EPHA5: variants seen among roughly 807,000 people sequenced by gnomAD.
EPHA5 encodes ephrin type-A receptor 5.
EPHA5 carries 60 observed loss-of-function variants against 105.0 expected under a neutral mutation model. The observed-to-expected ratio is 0.57, with a 90% CI of 0.46 to 0.71. The LOEUF (loss-of-function observed/expected upper bound fraction) is 0.71, where lower values mean the gene tolerates loss of function less well. Among genes scored for constraint, EPHA5 ranks in the 30% least tolerant of loss-of-function variants. EPHA5 has a pLI of 0.00. For missense variants in EPHA5, 1,218 were observed against 1,274.7 expected (o/e 0.96, Z 0.68); for synonymous variants, 513 against 449.1 (o/e 1.14, Z -1.80).
intron 3 of EPHA5, among the ~76,000 whole-genome samples, chr4:65,515,848 C>CACA (rs1734057129): frequency 6.6e-6 from 1 of 152,020 alleles, no homozygotes; most frequent in Non-Finnish European, 1.5e-5. Context: ...TGTGGCTAGA[C>CACA]GTCATCCAGT....
At chr4:65,487,775 T>A (rs968693296) in intron 5 of EPHA5, among the ~76,000 whole-genome samples, 1 of 152,182 alleles carries the variant, frequency 6.6e-6, no homozygotes, top group African/African-American at 2.4e-5. Context: ...TTGACAGAGC[T>A]GATTTGAGTA....
chr4:65,439,499 A>G (rs564719138), intron 5 of EPHA5, among the ~76,000 whole-genome samples: 8 of 150,084 alleles, frequency 5.3e-5, no homozygotes, highest in African/African-American at 2.0e-4. Context: ...ACTCTTTAAA[A>G]CTCTTTATAG....
intron 5 of EPHA5, among the ~76,000 whole-genome samples, chr4:65,439,759 T>C (rs1725834323): frequency 6.6e-6 from 1 of 152,178 alleles, no homozygotes; most frequent in Non-Finnish European, 1.5e-5. Flanking sequence ...TTTTATTCTG[T>C]ACACAATGTA....
intron 3 of EPHA5, among the ~76,000 whole-genome samples, chr4:65,510,158 C>T (rs1480735002): frequency 6.6e-6 from 1 of 151,726 alleles, no homozygotes; most frequent in Non-Finnish European, 1.5e-5. Flanking sequence ...CCTCAGCCTC[C>T]CGAGTAGCTG....
chr4:65,400,345 A>G (rs1721693813), intron 8 of EPHA5, among the ~76,000 whole-genome samples: 1 of 152,316 alleles, frequency 6.6e-6, no homozygotes, highest in African/African-American at 2.4e-5. Flanking sequence ...TGTGGAAGGC[A>G]TATCAATTGT....
At position 65,490,612 on chromosome 4, in the gene EPHA5, C is replaced by A. The variant is rs1370099230; in HGVS notation, c.1167G>T (p.Val389=). ...ACTTCTTGCATGCAATATAATATGACACGTCTTTCCTTCCACCAGTGTCAG... is the reference window on the plus strand; with the variant it reads ...ACTTCTTGCATGCAATATAATATGAAACGTCTTTCCTTCCACCAGTGTCAG... ...PPADTGGRKD[V]SYYIACKKCN... Residue 389 remains valine (V), a synonymous_variant, in exon 5 of 17, where the codon GTG becomes GTT. Coordinates refer to ENST00000613740, the MANE Select transcript of EPHA5 (RefSeq NM_001281766.3). The A allele has an allele frequency of 6.2e-7, 1 of 1,614,146 alleles. No homozygotes were observed. The highest frequency in any genetic ancestry group is 1.1e-5 in the South Asian group (1 of 91,084).
At chr4:65,449,342 A>T (rs6843890) in intron 5 of EPHA5, among the ~76,000 whole-genome samples, 1,717 of 152,298 alleles carry the variant, frequency 0.011, 37 homozygotes, top group African/African-American at 0.04. Context: ...GGGTTTAAAA[A>T]AAGAGCCTTT....
intron 3 of EPHA5, among the ~76,000 whole-genome samples, chr4:65,534,439 A>C: frequency 6.6e-6 from 1 of 152,212 alleles, no homozygotes; most frequent in East Asian, 1.9e-4. Context: ...CTGCAATAAC[A>C]TACAAACAAA....
intron 12 of EPHA5, 104 bp from the exon 13 acceptor site, chr4:65,351,702 A>G: frequency 1.1e-6 from 1 of 940,630 alleles, no homozygotes. Flanking sequence ...CAGTCGCTAA[A>G]ATTCATATGC....
At chr4:65,529,417 TATGCATATTATATGCACACACACAA>T (rs766302655) in intron 3 of EPHA5, among the ~76,000 whole-genome samples, 4 of 151,950 alleles carry the variant, frequency 2.6e-5, no homozygotes, top group Non-Finnish European at 5.9e-5. Context: ...TGTGCATACG[TATGCATATTATATGCACACACACAA>T]ATGCATATTA....
intron 3 of EPHA5, among the ~76,000 whole-genome samples, chr4:65,533,890 C>T (rs1421197589): frequency 6.6e-6 from 1 of 151,516 alleles, no homozygotes; most frequent in East Asian, 1.9e-4. Flanking sequence ...GATGAGATCC[C>T]TCATTGCACT....
rs549051173 is a variant in EPHA5 at position 65,348,100 on chromosome 4, A to G, written c.2549T>C (p.Val850Ala). Residue 850 changes from valine (V) to alanine (A), a missense_variant, in exon 14 of 17, where the codon GTT becomes GCT. Val to Ala is a moderately conservative substitution (Grantham distance 64). Transcript: ENST00000613740. ...VWSYGIVMWE[V>A]VSYGERPYWE... ...GTAGGGTCTCTCTCCATAAGACACA[A>G]CTTCCCACATTACTATTCCATAACT... 2.5e-6 allele frequency: 4 copies of G among 1,613,076 alleles called. No homozygotes were observed. The highest frequency in any genetic ancestry group is 1.6e-4 in the Middle Eastern group (1 of 6,062).
chr4:65,650,000 G>GATTAACAAATGAT (rs1214064762), intron 1 of EPHA5, among the ~76,000 whole-genome samples: 2 of 151,998 alleles, frequency 1.3e-5, no homozygotes, highest in Non-Finnish European at 2.9e-5. Context: ...AAAAATTCTT[G>GATTAACAAATGAT]ATTAACAAAT....
chr4:65,531,669 A>G (rs1578352976), intron 3 of EPHA5, among the ~76,000 whole-genome samples: 3 of 151,620 alleles, frequency 2.0e-5, no homozygotes, highest in African/African-American at 4.8e-5. Flanking sequence ...ATCTGATCAT[A>G]AAGAGGATAT....
At chr4:65,647,171 A>G (rs1748181608) in intron 1 of EPHA5, among the ~76,000 whole-genome samples, 1 of 151,856 alleles carries the variant, frequency 6.6e-6, no homozygotes, top group Non-Finnish European at 1.5e-5. Flanking sequence ...TACTAAAAAT[A>G]CAAAAAAATT....
At chr4:65,513,382 G>GTTTGT (rs796232011) in intron 3 of EPHA5, among the ~76,000 whole-genome samples, 39 of 151,858 alleles carry the variant, frequency 2.6e-4, no homozygotes, top group African/African-American at 8.9e-4. Context: ...GGGTTTTTTT[G>GTTTGT]TTTGTTTTGT....
chr4:65,560,414 G>T (rs1028366445), intron 3 of EPHA5, among the ~76,000 whole-genome samples: 2 of 151,898 alleles, frequency 1.3e-5, no homozygotes, highest in African/African-American at 2.4e-5. Context: ...CATAAGAAAC[G>T]GATATTTTTT....
intron 3 of EPHA5, among the ~76,000 whole-genome samples, chr4:65,565,228 G>A (rs1029238117): frequency 5.9e-5 from 9 of 151,598 alleles, no homozygotes; most frequent in Non-Finnish European, 1.2e-4. Context: ...TGACCAATTT[G>A]CTAATGGATC....
chr4:65,327,443 G>A (rs975451438), intron 16 of EPHA5, among the ~76,000 whole-genome samples: 1 of 150,936 alleles, frequency 6.6e-6, no homozygotes, highest in Admixed American at 6.6e-5. Context: ...TCTCCCCAGC[G>A]GAGAAATGGA....
Sources: gnomAD v4.1 joint callset for allele counts (sites outside exome capture counted in the v4.1 genomes callset) on GRCh38, gnomAD v4.1.1 for gene constraint, MANE v1.5 for transcripts, NCBI Gene and HGNC (gene_info 2026-07-23, HGNC 2026-07-21) for gene names.